The following HECW2 variants were observed in gnomAD, a reference collection of about 807,000 sequenced individuals.
The protein encoded by HECW2 is HECT, C2 and WW domain containing E3 ubiquitin protein ligase 2.
HECW2 carries 61 observed loss-of-function variants against 175.2 expected under a neutral mutation model. That is an observed-to-expected ratio of 0.35 (90% CI 0.28 to 0.43). The LOEUF (loss-of-function observed/expected upper bound fraction) is 0.43, where lower values mean the gene tolerates loss of function less well. HECW2 is among the 20% of genes least tolerant of loss of function. The pLI is 1.00. For missense variants in HECW2, 1,524 were observed against 2,000.5 expected (o/e 0.76, Z 4.54); for synonymous variants, 671 against 731.0 (o/e 0.92, Z 1.32).
intron 2 of HECW2, among the ~76,000 whole-genome samples, chr2:196,403,113 G>T (rs749720221): frequency 3.5e-4 from 53 of 152,100 alleles, no homozygotes; most frequent in Middle Eastern, 3.4e-3. Flanking sequence ...TCCACCTTGG[G>T]ATTCTTATTC....
At chr2:196,565,299 T>C (rs1690146728) in intron 1 of HECW2, among the ~76,000 whole-genome samples, 1 of 152,130 alleles carries the variant, frequency 6.6e-6, no homozygotes, top group African/African-American at 2.4e-5. Context: ...TAATCTAAAA[T>C]TGATGATGAC....
chr2:196,515,294 G>A (rs1688108724), intron 1 of HECW2, among the ~76,000 whole-genome samples: 1 of 152,252 alleles, frequency 6.6e-6, no homozygotes, highest in Non-Finnish European at 1.5e-5. Flanking sequence ...GGCTTGGCAG[G>A]TGTGAGACCC....
intron 2 of HECW2, among the ~76,000 whole-genome samples, chr2:196,423,970 T>C (rs1695474282): frequency 2.0e-5 from 3 of 151,210 alleles, no homozygotes; most frequent in African/African-American, 7.4e-5. Flanking sequence ...TCACAGATAA[T>C]GTGTTTTTTT....
intron 1 of HECW2, among the ~76,000 whole-genome samples, chr2:196,521,639 C>T (rs28541508): frequency 0.033 from 4,271 of 127,800 alleles, 205 homozygotes; most frequent in African/African-American, 0.12. Flanking sequence ...CCCCTCCCCC[C>T]ACCCCACCAC....
intron 2 of HECW2, among the ~76,000 whole-genome samples, chr2:196,354,895 C>A (rs1693307544): frequency 6.6e-6 from 1 of 152,168 alleles, no homozygotes; most frequent in South Asian, 2.1e-4. Context: ...GATCACATAA[C>A]CAGTTTCGAG....
At chr2:196,206,874 C>T (rs1480020371) in intron 28 of HECW2, among the ~76,000 whole-genome samples, 1 of 152,200 alleles carries the variant, frequency 6.6e-6, no homozygotes, top group Admixed American at 6.5e-5. Context: ...AGTGGCCCTG[C>T]ATACAAACAG....
chr2:196,240,381 G>C (rs539065056), intron 21 of HECW2, 68 bp downstream of exon 21: 5 of 1,124,108 alleles, frequency 4.4e-6, no homozygotes, highest in Non-Finnish European at 6.4e-6. Context: ...CAACCACAGC[G>C]ACGTGGAGAA....
chr2:196,369,882 T>C (rs1693858535), intron 2 of HECW2, among the ~76,000 whole-genome samples: 2 of 151,964 alleles, frequency 1.3e-5, no homozygotes, highest in South Asian at 4.1e-4. Context: ...AGTCAGCTTG[T>C]GGTGAATGCT....
intron 1 of HECW2, among the ~76,000 whole-genome samples, chr2:196,500,854 A>T (rs2125401923): frequency 6.6e-6 from 1 of 152,314 alleles, no homozygotes; most frequent in Non-Finnish European, 1.5e-5. Context: ...CAACAGGATG[A>T]GTCACCTATC....
At chr2:196,333,089 A>G (rs1007736929) in intron 4 of HECW2, among the ~76,000 whole-genome samples, 4 of 152,116 alleles carry the variant, frequency 2.6e-5, no homozygotes, top group Non-Finnish European at 4.4e-5. Flanking sequence ...TCTCTCGGAC[A>G]CACCTTCAGG....
chr2:196,378,121 G>A (rs545213770), intron 2 of HECW2, among the ~76,000 whole-genome samples: 118 of 152,308 alleles, frequency 7.7e-4, no homozygotes, highest in African/African-American at 2.8e-3. Flanking sequence ...AAGTAGAGCA[G>A]AGTGGTTAAA....
At chr2:196,276,712 C>T (rs1689970828) in intron 15 of HECW2, among the ~76,000 whole-genome samples, 1 of 152,184 alleles carries the variant, frequency 6.6e-6, no homozygotes, top group East Asian at 1.9e-4. Flanking sequence ...ATTAGCTACT[C>T]ATAAAACAGA....
chr2:196,585,631 G>A lies in HECW2; in HGVS notation c.-36+7877C>T, dbSNP rs147408969. 5.0e-4 allele frequency among the ~76,000 whole-genome samples: 76 copies of A among 152,106 alleles called. 1 individual carries two copies. Among genetic ancestry groups the A allele is most frequent in the Middle Eastern group, 6.8e-3 (2 of 294 alleles). On this transcript the variant is annotated intron_variant, in intron 1 of 28. Transcript: ENST00000644978. ...TACAGAAGATGAGCTCTTCTAGCTC[G>A]TGTAGCTTAGAGATGCCAACTCAAT...
intron 1 of HECW2, among the ~76,000 whole-genome samples, chr2:196,582,979 T>C (rs1399140061): frequency 6.6e-6 from 1 of 152,178 alleles, no homozygotes; most frequent in Non-Finnish European, 1.5e-5. Flanking sequence ...AAGGCTACCA[T>C]GCACAACACA....
chr2:196,219,836 T>TA (rs1350909977), intron 26 of HECW2, among the ~76,000 whole-genome samples: 1 of 152,170 alleles, frequency 6.6e-6, no homozygotes, highest in Non-Finnish European at 1.5e-5. Context: ...TGACGGTGTG[T>TA]AAACAGTCCT....
intron 13 of HECW2, among the ~76,000 whole-genome samples, chr2:196,294,808 GCTCCCCAGCCTGGCTCT>G (rs1413400714): frequency 6.6e-6 from 1 of 152,182 alleles, no homozygotes; most frequent in Non-Finnish European, 1.5e-5. Flanking sequence ...GAACAGGGAT[GCTCCCCAGCCTGGCTCT>G]CTGGGTCCCT....
chr2:196,529,512 G>A (rs1295166869), intron 1 of HECW2, among the ~76,000 whole-genome samples: 1 of 152,044 alleles, frequency 6.6e-6, no homozygotes, highest in Non-Finnish European at 1.5e-5. Context: ...CTCATGCCAG[G>A]CTCAAATGGC....
intron 1 of HECW2, among the ~76,000 whole-genome samples, chr2:196,554,244 T>A (rs1458748706): frequency 6.6e-6 from 1 of 151,654 alleles, no homozygotes; most frequent in East Asian, 1.9e-4. Flanking sequence ...GAGAATGGCG[T>A]GAACCCGGAA....
chr2:196,471,191 C>A (rs762864041), intron 1 of HECW2, among the ~76,000 whole-genome samples: 1 of 151,918 alleles, frequency 6.6e-6, no homozygotes, highest in African/African-American at 2.4e-5. Flanking sequence ...TTTTAAAATC[C>A]CTAGCAGGAT....
Sources: allele counts gnomAD v4.1 joint callset (sites outside exome capture counted in the v4.1 genomes callset), GRCh38; gene constraint gnomAD v4.1.1; transcripts MANE v1.5; gene names NCBI Gene and HGNC (gene_info 2026-07-23, HGNC 2026-07-21).